The following PTPRZ1 variants were observed in gnomAD, a reference collection of about 807,000 sequenced individuals.
PTPRZ1 encodes receptor-type tyrosine-protein phosphatase zeta.
A neutral mutation model predicts 214.1 loss-of-function variants in PTPRZ1; 82 were observed. That is an observed-to-expected ratio of 0.38 (90% CI 0.32 to 0.46). PTPRZ1 has a LOEUF of 0.46. Ranked by LOEUF, PTPRZ1 falls within the 20% of genes least tolerant of loss-of-function variation. The pLI, the probability that PTPRZ1 is intolerant of heterozygous loss-of-function variation, is 1.00. For missense variants in PTPRZ1, 2,603 were observed against 2,748.7 expected, an observed-to-expected ratio of 0.95 and a Z score of 1.19; for synonymous variants, 945 against 987.9, an observed-to-expected ratio of 0.96 and a Z score of 0.81.
intron 11 of PTPRZ1, among the ~76,000 whole-genome samples, chr7:122,007,465 T>G (rs1412778739): frequency 6.6e-6 from 1 of 152,142 alleles, no homozygotes. Context: ...AATAATATAT[T>G]GTCAAATCGA....
At chr7:122,048,839 A>G (rs765024231) in intron 23 of PTPRZ1, among the ~76,000 whole-genome samples, 2 of 152,170 alleles carry the variant, frequency 1.3e-5, no homozygotes, top group African/African-American at 2.4e-5. Context: ...AAATGTTAGC[A>G]TAAAAAATCC....
At chr7:121,934,720 G>C (rs918512161) in intron 2 of PTPRZ1, among the ~76,000 whole-genome samples, 3 of 152,118 alleles carry the variant, frequency 2.0e-5, no homozygotes, top group Admixed American at 6.5e-5. Flanking sequence ...TCTCACAAGA[G>C]GATTTAGAAG....
chr7:122,029,111 C>A (rs1216760105), intron 14 of PTPRZ1, among the ~76,000 whole-genome samples: 1 of 149,084 alleles, frequency 6.7e-6, no homozygotes, highest in Non-Finnish European at 1.5e-5. Flanking sequence ...TTTTTTTTAA[C>A]CTACATTAGA....
At position 121,972,544 on chromosome 7, in the gene PTPRZ1, A is replaced by T; in HGVS notation, c.308A>T (p.Glu103Val). 1 of 1,588,238 alleles carries T rather than the reference A, an allele frequency of 6.3e-7. No individual in the cohort carries two copies. Among genetic ancestry groups the T allele is most frequent in the Non-Finnish European group, 8.5e-7 (1 of 1,171,418 alleles). ...GCAATTGTATTTCTTTTTTTAGTGG[A>T]AATTAATCTCACTAATGACTACCGT... ...TFIHNTGKTV[E>V]INLTNDYRVS... The change falls in exon 4 of 30, where the codon GAA (glutamate) becomes GTA (valine). Residue 103 changes from glutamate (E) to valine (V), a missense_variant. Physicochemically the swap from Glu to Val is moderately radical, Grantham distance 121. Coordinates refer to ENST00000393386, the MANE Select transcript of PTPRZ1 (RefSeq NM_002851.3).
chr7:121,996,623 T>C, intron 9 of PTPRZ1, 57 bp downstream of exon 9: 1 of 1,318,332 alleles, frequency 7.6e-7, no homozygotes, highest in Non-Finnish European at 1.0e-6. Flanking sequence ...ATTTCCAAGG[T>C]AAGAACTTAC....
In PTPRZ1 at chr7:121,978,625, C is replaced by T. The variant is rs78509328; in HGVS notation, c.619+1774C>T. Among the ~76,000 whole-genome samples the T allele has an allele frequency of 3.9e-3, 595 of 152,242 alleles. 6 individuals are homozygous for T. Among genetic ancestry groups the T allele is most frequent in the African/African-American group, 0.014 (571 of 41,550 alleles). ...GATCCAATCACTTCCCACTTGGTCC[C>T]TCCTCAACACATGGGGATTACAATT... is the stretch of plus-strand genomic sequence containing the variant. On this transcript the variant is annotated intron_variant, in intron 6 of 29. Transcript: ENST00000393386.
chr7:121,888,212 A>G (rs951501496), intron 1 of PTPRZ1, among the ~76,000 whole-genome samples: 1 of 151,784 alleles, frequency 6.6e-6, no homozygotes, highest in African/African-American at 2.4e-5. Flanking sequence ...GTTTTGAGTG[A>G]CATTCTGAGA....
chr7:122,006,473 C>A (rs1798489210), intron 11 of PTPRZ1, among the ~76,000 whole-genome samples: 1 of 152,076 alleles, frequency 6.6e-6, no homozygotes. Context: ...TTAGCTTCCA[C>A]ATAAGAGTGA....
chr7:121,934,395 T>A (rs1796010843), intron 2 of PTPRZ1, among the ~76,000 whole-genome samples: 1 of 143,882 alleles, frequency 7.0e-6, no homozygotes, highest in Non-Finnish European at 1.5e-5. Context: ...ACAGACTGAC[T>A]AGGCTGCTTA....
intron 1 of PTPRZ1, among the ~76,000 whole-genome samples, chr7:121,922,957 T>G (rs1018294464): frequency 6.6e-6 from 1 of 152,212 alleles, no homozygotes; most frequent in Non-Finnish European, 1.5e-5. Flanking sequence ...TTCAGTCAAC[T>G]CAGTAGACTA....
chr7:121,990,147 G>T (rs1797904669), intron 8 of PTPRZ1, among the ~76,000 whole-genome samples: 1 of 151,836 alleles, frequency 6.6e-6, no homozygotes, highest in Non-Finnish European at 1.5e-5. Flanking sequence ...TCCTCATTTT[G>T]ACCAAGAGGA....
intron 1 of PTPRZ1, among the ~76,000 whole-genome samples, chr7:121,916,238 C>T (rs1795421899): frequency 1.4e-5 from 2 of 147,772 alleles, no homozygotes; most frequent in South Asian, 4.3e-4. Context: ...CGTGCCACTG[C>T]ACTCCTGACT....
chr7:122,025,514 A>G (rs1003727852), intron 13 of PTPRZ1, among the ~76,000 whole-genome samples: 5 of 151,844 alleles, frequency 3.3e-5, no homozygotes, highest in African/African-American at 9.7e-5. Flanking sequence ...TATTTTTAGT[A>G]GAGACAGGGT....
intron 2 of PTPRZ1, among the ~76,000 whole-genome samples, chr7:121,946,785 G>A (rs1584669476): frequency 1.3e-5 from 2 of 152,142 alleles, no homozygotes; most frequent in African/African-American, 4.8e-5. Context: ...CTGTACCACT[G>A]ACTAAGATAC....
In PTPRZ1 at chr7:122,019,262, A is replaced by T. The variant is rs766525566; in HGVS notation, c.4982A>T (p.Tyr1661Phe). ...GTGGTTCTTGTGGGTATTCTCATCT[A>T]CTGGAGGTAAGTTGAGTATTTGTTT... is the stretch of plus-strand genomic sequence containing the variant. The part of the protein sequence containing the change: ...CLVVLVGILI[Y>F]WRKCFQTAHF... Residue 1661 changes from tyrosine to phenylalanine, a missense_variant, in exon 13 of 30, where the codon TAC (tyrosine) becomes TTC (phenylalanine). This residue lies in a region of PTPRZ1 where 1,913 missense variants were observed against 1,914.3 expected (regional missense o/e 1.00). Coordinates refer to ENST00000393386, the MANE Select transcript of PTPRZ1 (RefSeq NM_002851.3). 4.3e-6 allele frequency: 7 copies of T among 1,610,732 alleles called. No individual in the cohort carries two copies. The East Asian group carries it at 1.6e-4, about 36-fold the overall frequency.
At chr7:122,006,629 A>T (rs76261095) in intron 11 of PTPRZ1, among the ~76,000 whole-genome samples, 2,294 of 152,142 alleles carry the variant, frequency 0.015, 20 homozygotes, top group Middle Eastern at 0.027. Context: ...TACATATATG[A>T]CAAACACAAG....
In PTPRZ1 at chr7:121,925,421, A is replaced by G. The variant is rs200051061; in HGVS notation, c.59-2735A>G. 4.6e-5 allele frequency among the ~76,000 whole-genome samples: 7 copies of G among 152,252 alleles called. No homozygotes were observed. In the East Asian group the frequency reaches 1.2e-3, roughly 25 times the overall value. On this transcript the variant is annotated intron_variant, in intron 1 of 29. Transcript: ENST00000393386. ...GAAACAAAAATGTATGAATATTCAT[A>G]ACAGCATTGTTCATAATAGCCAAAA...
Position 122,012,896 on chromosome 7 carries a change from C to T in PTPRZ1, c.3850C>T (p.Pro1284Ser). The T allele has an allele frequency of 6.2e-7, 1 of 1,614,096 alleles. No homozygotes were observed. The highest frequency in any genetic ancestry group is 8.5e-7 in the Non-Finnish European group (1 of 1,180,012). The change falls in exon 12 of 30, where the codon CCT becomes TCT. Residue 1284 changes from proline (P) to serine (S), a missense_variant. By Grantham distance (74) the Pro-to-Ser change is moderately conservative. This residue lies in a region of PTPRZ1 where 1,913 missense variants were observed against 1,914.3 expected (regional missense o/e 1.00). Transcript: ENST00000393386. ...AAGTGAAAGTTCCCACCAAGTGGTA[C>T]CTTCTTTGTACAGTAATGATGAGTT... ...LKSESSHQVV[P>S]SLYSNDELFQ...
At position 122,061,183 on chromosome 7, in the gene PTPRZ1, A is replaced by G. The variant is rs1792565701; in HGVS notation, c.6911A>G (p.Asp2304Gly). The change falls in exon 30 of 30, where the codon GAT becomes GGT. Residue 2304 changes from aspartate to glycine, a missense_variant. Physicochemically the swap from Asp to Gly is moderately conservative, Grantham distance 94 (BLOSUM62 -1). Coordinates refer to ENST00000393386, the MANE Select transcript of PTPRZ1 (RefSeq NM_002851.3). ...SLDSNGAALP[D>G]GNIAESLESL... ...GACAGTAATGGTGCAGCATTGCCTG[A>G]TGGAAATATAGCTGAGAGCTTAGAG... The G allele has an allele frequency of 6.2e-7, 1 of 1,608,358 alleles. No individual in the cohort carries two copies. Among genetic ancestry groups the G allele is most frequent in the African/African-American group, 1.3e-5 (1 of 74,748 alleles).
Sources: allele counts gnomAD v4.1 joint callset (sites outside exome capture counted in the v4.1 genomes callset), GRCh38; gene constraint gnomAD v4.1.1; regional missense constraint gnomAD v4.1.1; transcripts MANE v1.5; gene names NCBI Gene and HGNC (gene_info 2026-07-23, HGNC 2026-07-21).